AGBL1: variants seen among roughly 807,000 people sequenced by gnomAD.
AGBL1 encodes the protein cytosolic carboxypeptidase 4.
In AGBL1, 130 loss-of-function variants were observed where a neutral mutation model predicts 118.9. The ratio of observed to expected loss-of-function variants is 1.09; its 90% CI spans 0.95 to 1.26. The LOEUF is 1.26. AGBL1 is among the 50% of genes most tolerant of loss of function. The pLI, the probability that AGBL1 is intolerant of heterozygous loss-of-function variation, is 0.00. For missense variants in AGBL1, 1,584 were observed against 1,298.1 expected (o/e 1.22, Z -3.38); for synonymous variants, 555 against 478.9 (o/e 1.16, Z -2.08).
rs72762044 is a variant in AGBL1, at chr15:86,633,217, G to A, written c.2995-41056G>A. ...CAGCTCTGAAAAAAAATGCTGTGTT[G>A]TGTGATAATGAATGGATAGAACTTA... On this transcript the variant is annotated intron_variant, in intron 21 of 22. Coordinates refer to ENST00000614907, the MANE Select transcript of AGBL1 (RefSeq NM_001386094.1). Among the ~76,000 whole-genome samples the A allele has an allele frequency of 8.4e-3, 1,272 of 152,274 alleles. 8 individuals are homozygous for A. The highest frequency in any genetic ancestry group is 0.014 in the Middle Eastern group (4 of 294).
At chr15:86,196,217 T>C (rs988136606) in intron 5 of AGBL1, among the ~76,000 whole-genome samples, 6 of 152,184 alleles carry the variant, frequency 3.9e-5, no homozygotes, top group African/African-American at 1.4e-4. Context: ...GAAATCTTAT[T>C]TCATGCAACT....
At chr15:86,956,534 C>T (rs2080933531) in intron 23 of AGBL1, among the ~76,000 whole-genome samples, 1 of 152,124 alleles carries the variant, frequency 6.6e-6, no homozygotes, top group African/African-American at 2.4e-5. Context: ...CTATTGTAGA[C>T]TTGAGGCAGA....
chr15:86,790,771 T>C (rs751206649), intron 22 of AGBL1, among the ~76,000 whole-genome samples: 5 of 152,162 alleles, frequency 3.3e-5, no homozygotes, highest in Non-Finnish European at 5.9e-5. Context: ...CACTATACTT[T>C]CAATTTAATT....
chr15:86,137,029 C>A (rs1320551074), intron 1 of AGBL1, among the ~76,000 whole-genome samples: 1 of 152,168 alleles, frequency 6.6e-6, no homozygotes, highest in Non-Finnish European at 1.5e-5. Context: ...CACATCACAT[C>A]CTGCCTTCTT....
chr15:86,226,647 G>T (rs556612208), intron 6 of AGBL1, among the ~76,000 whole-genome samples: 1 of 152,196 alleles, frequency 6.6e-6, no homozygotes, highest in African/African-American at 2.4e-5. Context: ...GTGCAAACAC[G>T]GCTTGATTCA....
intron 21 of AGBL1, among the ~76,000 whole-genome samples, chr15:86,669,284 A>G (rs2085700139): frequency 6.6e-6 from 1 of 152,188 alleles, no homozygotes; most frequent in South Asian, 2.1e-4. Flanking sequence ...TGGTTTTGAG[A>G]TGAATGAGTT....
At chr15:86,209,879 C>T (rs1449023201) in intron 5 of AGBL1, among the ~76,000 whole-genome samples, 1 of 152,084 alleles carries the variant, frequency 6.6e-6, no homozygotes, top group Non-Finnish European at 1.5e-5. Flanking sequence ...GGTTATTTTG[C>T]CCATTAGTTG....
intron 22 of AGBL1, among the ~76,000 whole-genome samples, chr15:86,842,786 G>GCAGAGGATT (rs1284916327): frequency 6.6e-6 from 1 of 152,126 alleles, no homozygotes; most frequent in Non-Finnish European, 1.5e-5. Flanking sequence ...CCAACTGGAA[G>GCAGAGGATT]CAGAGGATTC....
intron 21 of AGBL1, among the ~76,000 whole-genome samples, chr15:86,606,398 G>C (rs1318114644): frequency 6.6e-6 from 1 of 152,116 alleles, no homozygotes; most frequent in East Asian, 1.9e-4. Context: ...TAAAGACAGA[G>C]AGATGGCCAA....
intron 22 of AGBL1, among the ~76,000 whole-genome samples, chr15:86,716,221 A>T (rs1328031336): frequency 3.3e-5 from 5 of 152,072 alleles, no homozygotes; most frequent in Admixed American, 2.0e-4. Context: ...TCTCAAAAGG[A>T]TTTCAGTGAA....
chr15:86,774,532 G>A (rs1162744884), intron 22 of AGBL1, among the ~76,000 whole-genome samples: 2 of 151,978 alleles, frequency 1.3e-5, no homozygotes, highest in South Asian at 2.1e-4. Context: ...AAATCTATGG[G>A]AATAAATCAA....
chr15:86,541,358 C>T (rs1007011151), intron 19 of AGBL1, among the ~76,000 whole-genome samples: 2 of 152,054 alleles, frequency 1.3e-5, no homozygotes, highest in African/African-American at 4.8e-5. Flanking sequence ...AACAAGACCT[C>T]CAGGTTATTC....
intron 22 of AGBL1, among the ~76,000 whole-genome samples, chr15:86,753,397 C>CTTTT (rs1555446759): frequency 9.9e-5 from 11 of 111,272 alleles, no homozygotes; most frequent in South Asian, 3.1e-4. Flanking sequence ...TTTTCTTTTT[C>CTTTT]TTTTTTTTTT....
chr15:86,666,153 G>A (rs1482404906), intron 21 of AGBL1, among the ~76,000 whole-genome samples: 2 of 152,104 alleles, frequency 1.3e-5, no homozygotes, highest in South Asian at 2.1e-4. Context: ...GAGGAGAATC[G>A]ATATTGCATG....
intron 6 of AGBL1, among the ~76,000 whole-genome samples, chr15:86,243,742 G>C (rs28595046): frequency 0.47 from 71,829 of 151,922 alleles, 17,694 homozygotes; most frequent in African/African-American, 0.6. Flanking sequence ...GGCATGGTGG[G>C]TCACGCCTGT....
rs926709996 is a variant in AGBL1 at position 86,150,127 on chromosome 15, A to T, written c.263-4303A>T. 3.9e-5 allele frequency among the ~76,000 whole-genome samples: 6 copies of T among 152,250 alleles called. 1 individual carries two copies. Among genetic ancestry groups the T allele is most frequent in the African/African-American group, 1.4e-4 (6 of 41,468 alleles). On this transcript the variant is annotated intron_variant, in intron 3 of 22. Coordinates refer to ENST00000614907, the MANE Select transcript of AGBL1 (RefSeq NM_001386094.1). ...AGAATCTCTGGGACACATTTAAAGC[A>T]GTCTGTAGAGGGAAATTTATAGCAC... is the stretch of plus-strand genomic sequence containing the variant.
At chr15:86,250,776 A>C (rs1256765371) in intron 7 of AGBL1, among the ~76,000 whole-genome samples, 1 of 152,170 alleles carries the variant, frequency 6.6e-6, no homozygotes. Context: ...CTGTGAGCAC[A>C]GATGCCCTTG....
intron 18 of AGBL1, among the ~76,000 whole-genome samples, chr15:86,459,487 C>T (rs1355914509): frequency 6.6e-6 from 1 of 152,156 alleles, no homozygotes; most frequent in African/African-American, 2.4e-5. Flanking sequence ...TTATATCAAA[C>T]ATTGGCCATA....
At chr15:86,463,730 G>T (rs867922385) in intron 18 of AGBL1, among the ~76,000 whole-genome samples, 23 of 152,138 alleles carry the variant, frequency 1.5e-4, no homozygotes, top group African/African-American at 2.2e-4. Flanking sequence ...TGTCGGATTT[G>T]TTAAAGATCA....
Sources: allele counts gnomAD v4.1 joint callset (sites outside exome capture counted in the v4.1 genomes callset), GRCh38; gene constraint gnomAD v4.1.1; transcripts MANE v1.5; gene names NCBI Gene and HGNC (gene_info 2026-07-23, HGNC 2026-07-21).